The following MLLT3 variants were observed in gnomAD, a reference collection of about 807,000 sequenced individuals.
The protein encoded by MLLT3 is MLLT3 super elongation complex subunit.
In MLLT3, 4 loss-of-function variants were observed where a neutral mutation model predicts 53.2. The ratio of observed to expected loss-of-function variants is 0.08; its 90% confidence interval spans 0.04 to 0.17. MLLT3 has a LOEUF of 0.17. Ranked by LOEUF, MLLT3 falls within the 10% of genes least tolerant of loss-of-function variation. MLLT3 has a pLI of 1.00. For missense variants in MLLT3, 569 were observed against 684.0 expected, an observed-to-expected ratio of 0.83 and a Z score of 1.87; for synonymous variants, 283 against 230.6, an observed-to-expected ratio of 1.23 and a Z score of -2.06.
intron 4 of MLLT3, among the ~76,000 whole-genome samples, chr9:20,441,272 G>C (rs1375559878): frequency 6.6e-6 from 1 of 152,086 alleles, no homozygotes; most frequent in Non-Finnish European, 1.5e-5. Context: ...TCAAAAGTCT[G>C]TAACTGCCCT....
At chr9:20,402,952 T>C (rs1822492270) in intron 5 of MLLT3, among the ~76,000 whole-genome samples, 1 of 152,100 alleles carries the variant, frequency 6.6e-6, no homozygotes, top group Admixed American at 6.6e-5. Context: ...TAAATAAGTG[T>C]GTAAGGGCTA....
intron 2 of MLLT3, among the ~76,000 whole-genome samples, chr9:20,461,986 A>C (rs185166934): frequency 6.6e-6 from 1 of 151,974 alleles, no homozygotes; most frequent in Non-Finnish European, 1.5e-5. Flanking sequence ...TTCCTGCTTC[A>C]CTTCTACCAC....
intron 2 of MLLT3, among the ~76,000 whole-genome samples, chr9:20,478,758 A>T (rs1446129342): frequency 2.0e-5 from 3 of 152,170 alleles, no homozygotes; most frequent in Non-Finnish European, 4.4e-5. Flanking sequence ...CTCGTGTTTA[A>T]CAAGGGAGTT....
chr9:20,365,774 A>G, intron 5 of MLLT3, 30 bp from the exon 6 acceptor site: 4 of 1,612,034 alleles, frequency 2.5e-6, no homozygotes, highest in East Asian at 2.2e-5. Context: ...GGCACCATCA[A>G]TAAATTTACG....
chr9:20,496,544 A>G (rs1296525227), intron 2 of MLLT3, among the ~76,000 whole-genome samples: 1 of 152,164 alleles, frequency 6.6e-6, no homozygotes, highest in African/African-American at 2.4e-5. Flanking sequence ...CGCACTGTAA[A>G]AACACACACA....
In MLLT3 at chr9:20,414,139, G is replaced by A. The variant is rs1456394477; in HGVS notation, c.707C>T (p.Pro236Leu). Residue 236 changes from proline to leucine, a missense_variant, in exon 5 of 11, where the codon CCC (proline) becomes CTC (leucine). Transcript: ENST00000380338. ...TTCTTTCAGTGGTTTATTTTCTTTG[G>A]GTTTCTTAGAGGATTCTTTGGAAGA... ...NKSSKESSKK[P>L]KENKPLKEEK... is the part of the protein sequence containing the mutation. 1 of 1,613,820 alleles carries A rather than the reference G, an allele frequency of 6.2e-7. No individual in the cohort carries two copies. Among genetic ancestry groups the A allele is most frequent in the Non-Finnish European group, 8.5e-7 (1 of 1,179,958 alleles).
intron 2 of MLLT3, among the ~76,000 whole-genome samples, chr9:20,599,747 C>G (rs906644041): frequency 6.6e-6 from 1 of 152,026 alleles, no homozygotes; most frequent in African/African-American, 2.4e-5. Flanking sequence ...GTTCTGACAC[C>G]AACACAGGAC....
At chr9:20,492,940 T>C (rs537433461) in intron 2 of MLLT3, among the ~76,000 whole-genome samples, 11 of 152,088 alleles carry the variant, frequency 7.2e-5, no homozygotes, top group African/African-American at 2.2e-4. Context: ...TCATGACCTA[T>C]CCAATTGATT....
intron 2 of MLLT3, among the ~76,000 whole-genome samples, chr9:20,531,588 T>C (rs1402992861): frequency 6.6e-6 from 1 of 152,212 alleles, no homozygotes; most frequent in Non-Finnish European, 1.5e-5. Context: ...GGTCCACTTC[T>C]CATTTGTCTT....
At chr9:20,590,976 C>G (rs1036455577) in intron 2 of MLLT3, among the ~76,000 whole-genome samples, 1 of 151,870 alleles carries the variant, frequency 6.6e-6, no homozygotes, top group Non-Finnish European at 1.5e-5. Flanking sequence ...TCTTGAACTA[C>G]TGGCCTCAGG....
Position 20,620,614 on chromosome 9 carries a change from A to T in MLLT3, c.193+40T>A. The T allele has an allele frequency of 1.3e-6, 2 of 1,584,916 alleles. No homozygotes were observed. The highest frequency in any genetic ancestry group is 2.7e-5 in the African/African-American group (2 of 74,128). On this transcript the variant is annotated intron_variant, in intron 2 of 10. Coordinates refer to ENST00000380338, the MANE Select transcript of MLLT3 (RefSeq NM_004529.4). This position sits in a 1 kb window ranked among gnomAD's most constrained non-coding sequence, Gnocchi z 6.1. ...CGCCCGGGCCAAGCGATTGTTTCAA[A>T]GACATTTTTTATCAAGACCCTTTTG...
intron 2 of MLLT3, among the ~76,000 whole-genome samples, chr9:20,600,125 CAA>C (rs753042376): frequency 1.1e-5 from 1 of 88,828 alleles, no homozygotes. Flanking sequence ...CAATGTTGTC[CAA>C]AAAAAAAAAA....
intron 2 of MLLT3, among the ~76,000 whole-genome samples, chr9:20,552,913 T>C (rs1013658684): frequency 3.9e-5 from 6 of 152,172 alleles, no homozygotes; most frequent in Non-Finnish European, 8.8e-5. Flanking sequence ...ATGTTTTTTA[T>C]ATGCTTATCA....
chr9:20,544,667 C>G (rs927440279), intron 2 of MLLT3, among the ~76,000 whole-genome samples: 1 of 152,190 alleles, frequency 6.6e-6, no homozygotes, highest in African/African-American at 2.4e-5. Context: ...CTATGGAAAA[C>G]ACTATGAACA....
intron 2 of MLLT3, among the ~76,000 whole-genome samples, chr9:20,462,652 C>CT (rs1824139381): frequency 6.6e-6 from 1 of 152,070 alleles, no homozygotes; most frequent in Non-Finnish European, 1.5e-5. Context: ...TCTCTTCTAC[C>CT]TTTTTCTCAT....
rs564804083 is a variant in MLLT3 at position 20,589,256 on chromosome 9, T to TA, written c.193+31397dup. On this transcript the variant is annotated intron_variant, in intron 2 of 10. Transcript: ENST00000380338. The stretch of plus-strand genomic sequence containing the variant: ...TACACCATGGAATACTATGCAGCCA[T>TA]AAAAAGGATGAGTTCATGTCCTTTG... Among the ~76,000 whole-genome samples, 4 of 151,690 alleles carry TA rather than the reference T, an allele frequency of 2.6e-5. No homozygotes were observed. In the South Asian group the frequency reaches 6.3e-4, roughly 24 times the overall value.
intron 2 of MLLT3, among the ~76,000 whole-genome samples, chr9:20,499,930 T>G (rs924736219): frequency 9.9e-5 from 15 of 152,198 alleles, no homozygotes; most frequent in Non-Finnish European, 2.9e-5. Context: ...CAGGTGTTAA[T>G]GCAGTGACAA....
In MLLT3 at chr9:20,371,232, G is replaced by C. The variant is rs1427565499; in HGVS notation, c.1126-5488C>G. Among the ~76,000 whole-genome samples, 3 of 152,230 alleles carry C rather than the reference G, an allele frequency of 2.0e-5. No homozygotes were observed. The East Asian group carries it at 5.8e-4, about 29-fold the overall frequency. On this transcript the variant is annotated intron_variant, in intron 5 of 10. Transcript: ENST00000380338. The stretch of plus-strand genomic sequence containing the variant: ...TAACATAAAAGTGCAAGTTGAAGCA[G>C]CAAGAGCTGATACAGAAGCTGCAGG...
chr9:20,562,282 A>C (rs1322282557), intron 2 of MLLT3, among the ~76,000 whole-genome samples: 1 of 152,112 alleles, frequency 6.6e-6, no homozygotes, highest in Non-Finnish European at 1.5e-5. Context: ...CCATGACAGT[A>C]ATTAAAAATG....
Sources: gnomAD v4.1 joint callset for allele counts (sites outside exome capture counted in the v4.1 genomes callset) on GRCh38, gnomAD v4.1.1 for gene constraint, Gnocchi (gnomAD v3.1) non-coding constraint, MANE v1.5 for transcripts, NCBI Gene and HGNC (gene_info 2026-07-23, HGNC 2026-07-21) for gene names.